Variants in KCNJ6 observed in about 807,000 individuals in gnomAD.
KCNJ6 encodes potassium inwardly rectifying channel subfamily J member 6.
KCNJ6 carries 9 observed loss-of-function variants against 34.2 expected under a neutral mutation model. The ratio of observed to expected loss-of-function variants is 0.26; its 90% confidence interval spans 0.16 to 0.46. The LOEUF (loss-of-function observed/expected upper bound fraction) is 0.46, where lower values mean the gene tolerates loss of function less well. Among genes scored for constraint, KCNJ6 ranks in the 20% least tolerant of loss-of-function variants. KCNJ6 has a pLI of 1.00. For synonymous variants in KCNJ6, 196 were observed against 207.1 expected, an observed-to-expected ratio of 0.95 and a Z score of 0.46; for missense variants, 236 against 531.3, an observed-to-expected ratio of 0.44 and a Z score of 5.46.
intron 2 of KCNJ6, among the ~76,000 whole-genome samples, chr21:37,725,456 A>C (rs144783723): frequency 1.3e-4 from 20 of 152,348 alleles, no homozygotes; most frequent in Non-Finnish European, 2.8e-4. Flanking sequence ...AGCAATACAA[A>C]TAAGATAAAC....
chr21:37,699,441 CTCATAT>C (rs1004447085), intron 3 of KCNJ6, among the ~76,000 whole-genome samples: 1 of 152,078 alleles, frequency 6.6e-6, no homozygotes, highest in Non-Finnish European at 1.5e-5. Context: ...ATATGGATAC[CTCATAT>C]TCATATTAAT....
intron 1 of KCNJ6, among the ~76,000 whole-genome samples, chr21:37,908,433 G>T (rs2055851950): frequency 6.6e-6 from 1 of 152,188 alleles, no homozygotes; most frequent in Non-Finnish European, 1.5e-5. Context: ...CTTACAGCAT[G>T]TATCTAGCCT....
intron 1 of KCNJ6, among the ~76,000 whole-genome samples, chr21:37,882,543 G>A (rs532085929): frequency 3.6e-4 from 55 of 152,276 alleles, no homozygotes; most frequent in Middle Eastern, 3.4e-3. Context: ...CTCTTGCAGG[G>A]TCACCCATTA....
intron 2 of KCNJ6, among the ~76,000 whole-genome samples, chr21:37,762,854 G>A (rs1239092590): frequency 6.6e-6 from 1 of 152,222 alleles, no homozygotes; most frequent in Admixed American, 6.5e-5. Context: ...AGTAGGGCCT[G>A]GCATGGGCCT....
intron 1 of KCNJ6, among the ~76,000 whole-genome samples, chr21:37,871,200 C>T (rs879354395): frequency 6.6e-6 from 1 of 152,108 alleles, no homozygotes; most frequent in Non-Finnish European, 1.5e-5. Flanking sequence ...ATTGGGCACA[C>T]CTTGCATCCT....
chr21:37,636,020 T>A (rs2054356325), intron 3 of KCNJ6, among the ~76,000 whole-genome samples: 1 of 152,298 alleles, frequency 6.6e-6, no homozygotes, highest in Non-Finnish European at 1.5e-5. Context: ...TGGTGGTGGG[T>A]AGGGGAGAGC....
At chr21:37,800,353 T>G (rs1165376586) in intron 2 of KCNJ6, among the ~76,000 whole-genome samples, 3 of 152,094 alleles carry the variant, frequency 2.0e-5, no homozygotes, top group Non-Finnish European at 4.4e-5. Flanking sequence ...GACCCAAACT[T>G]TATGCTGGAC....
chr21:37,890,254 C>T (rs1002052178), intron 1 of KCNJ6, among the ~76,000 whole-genome samples: 2 of 152,098 alleles, frequency 1.3e-5, no homozygotes, highest in Non-Finnish European at 2.9e-5. Flanking sequence ...GGGGGAAAAG[C>T]CCCTTATAAA....
chr21:37,840,143 T>A (rs541267726), intron 2 of KCNJ6, among the ~76,000 whole-genome samples: 46 of 152,330 alleles, frequency 3.0e-4, no homozygotes, highest in African/African-American at 1.0e-3. Flanking sequence ...TTATTTAGCT[T>A]AAGAGCACTA....
chr21:37,823,055 G>A (rs2055381568), intron 2 of KCNJ6, among the ~76,000 whole-genome samples: 1 of 151,906 alleles, frequency 6.6e-6, no homozygotes, highest in Non-Finnish European at 1.5e-5. Flanking sequence ...GAAGAGGGAG[G>A]GACAGATTCA....
At chr21:37,691,893 A>G (rs2054641494) in intron 3 of KCNJ6, among the ~76,000 whole-genome samples, 1 of 152,010 alleles carries the variant, frequency 6.6e-6, no homozygotes, top group African/African-American at 2.4e-5. Flanking sequence ...ATGATCCACC[A>G]CTCTGGATCA....
chr21:37,874,378 A>C (rs1307296849), intron 1 of KCNJ6, among the ~76,000 whole-genome samples: 2 of 152,110 alleles, frequency 1.3e-5, no homozygotes, highest in Non-Finnish European at 2.9e-5. Context: ...TCTCATTTTC[A>C]ATACCCAGTG....
chr21:37,751,365 G>A (rs1466974828), intron 2 of KCNJ6, among the ~76,000 whole-genome samples: 1 of 152,266 alleles, frequency 6.6e-6, no homozygotes, highest in African/African-American at 2.4e-5. Context: ...GACCTGCTAA[G>A]GAGCATGGGC....
chr21:37,688,693 G>A (rs977992115), intron 3 of KCNJ6, among the ~76,000 whole-genome samples: 2 of 152,244 alleles, frequency 1.3e-5, no homozygotes, highest in African/African-American at 4.8e-5. Context: ...AGGGGTGGGG[G>A]AGAGGGGTGC....
intron 1 of KCNJ6, among the ~76,000 whole-genome samples, chr21:37,890,712 G>A (rs539399439): frequency 6.6e-6 from 1 of 152,252 alleles, no homozygotes; most frequent in African/African-American, 2.4e-5. Context: ...AATAAAACAT[G>A]GCGGCTCTGT....
intron 1 of KCNJ6, among the ~76,000 whole-genome samples, chr21:37,896,373 A>C (rs1198627007): frequency 9.2e-5 from 14 of 152,158 alleles, no homozygotes; most frequent in Non-Finnish European, 1.5e-5. Context: ...GAGGCTTCTG[A>C]AGCCCTTCGT....
At chr21:37,677,813 C>T (rs1415684337) in intron 3 of KCNJ6, among the ~76,000 whole-genome samples, 4 of 150,740 alleles carry the variant, frequency 2.7e-5, no homozygotes, top group Admixed American at 2.0e-4. Flanking sequence ...CCCACCCATC[C>T]AGTCATTTCA....
intron 3 of KCNJ6, among the ~76,000 whole-genome samples, chr21:37,636,654 A>G (rs2123372899): frequency 6.6e-6 from 1 of 152,312 alleles, no homozygotes; most frequent in East Asian, 1.9e-4. Flanking sequence ...ATCCAGGAAA[A>G]CAGACTGAAA....
At chr21:37,775,339 A>G (rs1343043442) in intron 2 of KCNJ6, among the ~76,000 whole-genome samples, 1 of 152,146 alleles carries the variant, frequency 6.6e-6, no homozygotes, top group Admixed American at 6.5e-5. Flanking sequence ...TGCTGTGCAG[A>G]AGCTCTTTAG....
Sources: gnomAD v4.1 joint callset for allele counts (sites outside exome capture counted in the v4.1 genomes callset) on GRCh38, gnomAD v4.1.1 for gene constraint, MANE v1.5 for transcripts, NCBI Gene and HGNC (gene_info 2026-07-23, HGNC 2026-07-21) for gene names.